Variants in UBE2D3 observed in about 807,000 individuals in gnomAD.
The protein encoded by UBE2D3 is ubiquitin-conjugating enzyme E2 D3.
UBE2D3 carries 2 observed loss-of-function variants against 22.8 expected under a neutral mutation model. That is an observed-to-expected ratio of 0.09 (90% CI 0.04 to 0.28). The LOEUF is 0.28. Among genes scored for constraint, UBE2D3 ranks in the 10% least tolerant of loss-of-function variants. The pLI, the probability that UBE2D3 is intolerant of heterozygous loss-of-function variation, is 1.00. For synonymous variants in UBE2D3, 56 were observed against 60.4 expected (o/e 0.93, Z 0.34); for missense variants, 27 against 182.5 (o/e 0.15, Z 4.91).
At chr4:102,798,397 C>T (rs991568212) in intron 7 of UBE2D3, among the ~76,000 whole-genome samples, 1 of 150,728 alleles carries the variant, frequency 6.6e-6, no homozygotes, top group African/African-American at 2.4e-5. Flanking sequence ...TTAAAAAGTT[C>T]TTTCTACCAA....
intron 4 of UBE2D3, among the ~76,000 whole-genome samples, chr4:102,803,920 C>A (rs1726599843): frequency 6.6e-6 from 1 of 152,142 alleles, no homozygotes; most frequent in Admixed American, 6.5e-5. Flanking sequence ...ACATATGCAC[C>A]ACCACACCCA....
At chr4:102,840,581 A>T (rs1003200919) in intron 1 of UBE2D3, among the ~76,000 whole-genome samples, 2 of 152,100 alleles carry the variant, frequency 1.3e-5, no homozygotes, top group Non-Finnish European at 2.9e-5. Flanking sequence ...TCTGGGTGGG[A>T]GGGGGGATGA....
chr4:102,849,734 A>G (rs904713081), intron 1 of UBE2D3, among the ~76,000 whole-genome samples: 1 of 152,250 alleles, frequency 6.6e-6, no homozygotes, highest in Non-Finnish European at 1.5e-5. Flanking sequence ...AGATACCACT[A>G]CATTCGCATC....
At chr4:102,824,611 T>C (rs938499496) in intron 2 of UBE2D3, among the ~76,000 whole-genome samples, 1 of 152,244 alleles carries the variant, frequency 6.6e-6, no homozygotes, top group African/African-American at 2.4e-5. Flanking sequence ...CACTGTTATA[T>C]TGTCTCTCTA....
chr4:102,810,001 G>C, intron 2 of UBE2D3, 146 bp from the exon 3 acceptor site: 2 of 766,438 alleles, frequency 2.6e-6, no homozygotes, highest in South Asian at 1.8e-5. Context: ...CATTAGGAGA[G>C]AGAACATGCC....
At chr4:102,832,157 A>G (rs1307831318), upstream of UBE2D3, among the ~76,000 whole-genome samples, 2 of 152,196 alleles carry the variant, frequency 1.3e-5, no homozygotes, top group Non-Finnish European at 2.9e-5. Context: ...TATTAAAACA[A>G]ATGAAAAAAA....
At chr4:102,804,635 T>C (rs1371525205) in intron 4 of UBE2D3, among the ~76,000 whole-genome samples, 1 of 152,206 alleles carries the variant, frequency 6.6e-6, no homozygotes, top group Non-Finnish European at 1.5e-5. Flanking sequence ...GTTTTTTCTG[T>C]GTAAAATTAA....
chr4:102,805,701 C>T lies in UBE2D3; in HGVS notation c.121-3063G>A, dbSNP rs547831865. On this transcript the variant is annotated intron_variant, in intron 4 of 7. Transcript: ENST00000453744. ...TTGATTTTCTACTCTTAACTGCTGACCCATAAAAATTTGAGTTGCAAAATA... is the reference window on the plus strand; with the variant it reads ...TTGATTTTCTACTCTTAACTGCTGATCCATAAAAATTTGAGTTGCAAAATA... Among the ~76,000 whole-genome samples, 266 of 152,236 alleles carry T rather than the reference C, an allele frequency of 1.7e-3. 1 individual carries two copies. Among genetic ancestry groups the T allele is most frequent in the African/African-American group, 6.2e-3 (257 of 41,536 alleles).
chr4:102,799,001 A>T, intron 7 of UBE2D3: 1 of 1,597,924 alleles, frequency 6.3e-7, no homozygotes. Flanking sequence ...TACACTTAGC[A>T]TTAATTATAA....
intron 2 of UBE2D3, chr4:102,825,098 C>G (rs1331627913): frequency 3.3e-6 from 1 of 305,848 alleles, no homozygotes; most frequent in Non-Finnish European, 4.8e-6. Flanking sequence ...AAACACCAAT[C>G]TTGCCAAATA....
chr4:102,824,076 G>T (rs1730055370), intron 2 of UBE2D3, among the ~76,000 whole-genome samples: 1 of 152,144 alleles, frequency 6.6e-6, no homozygotes, highest in Non-Finnish European at 1.5e-5. Flanking sequence ...TTTGAAAGTT[G>T]CCTCATGTGA....
chr4:102,827,517 C>G lies in UBE2D3; in HGVS notation c.-219G>C, dbSNP rs1229397979. 1 of 986,098 alleles carries G rather than the reference C, an allele frequency of 1.0e-6. No homozygotes were observed. Among genetic ancestry groups the G allele is most frequent in the Non-Finnish European group, 1.2e-6 (1 of 830,090 alleles). The allele number at this position is 986,098 out of a possible 1,614,324, so 61.1% of individuals were successfully genotyped here. On this transcript the variant is annotated 5_prime_UTR_variant, in exon 1 of 8. Coordinates refer to ENST00000453744, the MANE Select transcript of UBE2D3 (RefSeq NM_181891.3). ...CCCGGCCCTACGGGGCTCACGCGCA[C>G]GACACAGCCACAAGATGTCCGCTCT...
At chr4:102,802,051 T>C (rs1022437837) in intron 5 of UBE2D3, 1 of 154,844 alleles carries the variant, frequency 6.5e-6, no homozygotes, top group Admixed American at 6.4e-5. Flanking sequence ...TTTATGACCT[T>C]TGTATATTAC....
intron 1 of UBE2D3, among the ~76,000 whole-genome samples, chr4:102,840,666 A>C (rs912138439): frequency 6.6e-6 from 1 of 152,218 alleles, no homozygotes; most frequent in Non-Finnish European, 1.5e-5. Flanking sequence ...GAGTAGGGTA[A>C]CTATAGCTAG....
chr4:102,859,932 G>A (rs1298519595), intron 1 of UBE2D3, among the ~76,000 whole-genome samples: 1 of 151,136 alleles, frequency 6.6e-6, no homozygotes, highest in African/African-American at 2.4e-5. Flanking sequence ...TGCAAGCTCT[G>A]CCTCCCGGGT....
At chr4:102,828,006 G>A, upstream of UBE2D3, 1 of 985,476 alleles carries the variant, frequency 1.0e-6, no homozygotes, top group Non-Finnish European at 1.2e-6. Context: ...CGGTAGCTCT[G>A]CAATGACTTA....
intron 7 of UBE2D3, among the ~76,000 whole-genome samples, chr4:102,798,296 A>ATATATATATATATATATATT (rs1491068891): frequency 6.8e-6 from 1 of 147,506 alleles, no homozygotes; most frequent in Non-Finnish European, 1.5e-5. Context: ...ATATATATAT[A>ATATATATATATATATATATT]TGCACAGGAG....
At chr4:102,865,205 C>T (rs1733087912) in intron 1 of UBE2D3, among the ~76,000 whole-genome samples, 1 of 152,004 alleles carries the variant, frequency 6.6e-6, no homozygotes, top group South Asian at 2.1e-4. Context: ...TAAAAACAGA[C>T]ATACACGGCC....
intron 6 of UBE2D3, 61 bp downstream of exon 6, chr4:102,801,393 A>G: frequency 1.5e-6 from 2 of 1,370,410 alleles, no homozygotes; most frequent in South Asian, 2.5e-5. Context: ...TCAGATAAGT[A>G]GATCTAAGAA....
Sources: allele counts gnomAD v4.1 joint callset (sites outside exome capture counted in the v4.1 genomes callset), GRCh38; gene constraint gnomAD v4.1.1; transcripts MANE v1.5; gene names NCBI Gene and HGNC (gene_info 2026-07-23, HGNC 2026-07-21).